RTTN: variants seen among roughly 807,000 people sequenced by gnomAD.
The protein encoded by RTTN is rotatin.
RTTN carries 182 observed loss-of-function variants against 269.2 expected under a neutral mutation model. The observed-to-expected ratio is 0.68, with a 90% CI of 0.60 to 0.76. The LOEUF is 0.76. Among genes scored for constraint, RTTN ranks in the 30% least tolerant of loss-of-function variants. RTTN has a pLI of 0.00. For synonymous variants in RTTN, 1,006 were observed against 963.5 expected (o/e 1.04, Z -0.82); for missense variants, 2,545 against 2,608.6 (o/e 0.98, Z 0.53).
At chr18:70,107,802 A>G (rs1367844266) in intron 28 of RTTN, among the ~76,000 whole-genome samples, 5 of 152,248 alleles carry the variant, frequency 3.3e-5, no homozygotes, top group African/African-American at 1.2e-4. Flanking sequence ...AATGTCTGCA[A>G]TGAAAGGGGA....
At chr18:70,036,637 C>A (rs1599208356) in intron 40 of RTTN, among the ~76,000 whole-genome samples, 1 of 152,070 alleles carries the variant, frequency 6.6e-6, no homozygotes. Context: ...ATACACCAAA[C>A]CCCCATGATA....
At chr18:70,118,124 A>T (rs2059644799) in intron 26 of RTTN, among the ~76,000 whole-genome samples, 1 of 152,066 alleles carries the variant, frequency 6.6e-6, no homozygotes, top group Non-Finnish European at 1.5e-5. Context: ...ATAAGGGCAG[A>T]TACAAATGAA....
chr18:70,081,667 A>G (rs1364352610), intron 32 of RTTN, among the ~76,000 whole-genome samples: 1 of 152,226 alleles, frequency 6.6e-6, no homozygotes, highest in African/African-American at 2.4e-5. Flanking sequence ...TGTTAAGATC[A>G]TAAATATTTA....
rs77760128 is a variant in RTTN at position 70,196,509 on chromosome 18, T to C, written c.833A>G (p.Asn278Ser). ...NFHRDPGFFSNKHDTVSQNSS... is the reference protein window; with the variant it reads ...NFHRDPGFFSSKHDTVSQNSS... ...CAGATAAAAATAAATACCGTGTTTATTGGAGAAAAAACCTGGATCTCGGTG... is the reference window on the plus strand; with the variant it reads ...CAGATAAAAATAAATACCGTGTTTACTGGAGAAAAAACCTGGATCTCGGTG... The change falls in exon 7 of 49, where the codon AAT becomes AGT. Residue 278 changes from asparagine (N) to serine (S), a missense_variant. Transcript: ENST00000640769. 550 of 1,609,652 alleles carry C rather than the reference T, an allele frequency of 3.4e-4. 6 individuals are homozygous for C. The East Asian group carries it at 0.011, about 32-fold the overall frequency.
chr18:70,010,412 T>G (rs2056335155), intron 46 of RTTN, among the ~76,000 whole-genome samples: 1 of 152,170 alleles, frequency 6.6e-6, no homozygotes, highest in Admixed American at 6.5e-5. Flanking sequence ...GCAATCAAAT[T>G]AGAACTCAGG....
chr18:70,102,799 G>C (rs992566636), intron 28 of RTTN, among the ~76,000 whole-genome samples: 1 of 152,202 alleles, frequency 6.6e-6, no homozygotes, highest in African/African-American at 2.4e-5. Context: ...TTGCTTGTCT[G>C]TAAAAGATTT....
chr18:70,170,220 T>C (rs1028470327), intron 11 of RTTN, among the ~76,000 whole-genome samples: 2 of 152,208 alleles, frequency 1.3e-5, no homozygotes, highest in Non-Finnish European at 2.9e-5. Flanking sequence ...GGCCTTACTA[T>C]GTTCCTCCAC....
At chr18:70,165,275 T>C (rs541137673) in intron 14 of RTTN, among the ~76,000 whole-genome samples, 1 of 151,618 alleles carries the variant, frequency 6.6e-6, no homozygotes, top group East Asian at 1.9e-4. Flanking sequence ...ATGCTATATA[T>C]AAAATTCTTT....
intron 32 of RTTN, among the ~76,000 whole-genome samples, chr18:70,077,310 A>ATC (rs2058453085): frequency 6.6e-6 from 1 of 151,946 alleles, no homozygotes; most frequent in African/African-American, 2.4e-5. Flanking sequence ...CACAACCCAA[A>ATC]ATTCACAAAC....
chr18:70,045,256 G>A (rs2057461001), intron 40 of RTTN, among the ~76,000 whole-genome samples: 1 of 152,180 alleles, frequency 6.6e-6, no homozygotes, highest in South Asian at 2.1e-4. Flanking sequence ...TTAGGAGGAT[G>A]GAGATTTTAG....
At chr18:70,184,211 T>C in intron 10 of RTTN, among the ~76,000 whole-genome samples, 1 of 152,134 alleles carries the variant, frequency 6.6e-6, no homozygotes, top group Non-Finnish European at 1.5e-5. Context: ...TACTCAAATG[T>C]ATAAGACCTA....
At chr18:70,035,118 T>C (rs1568274229) in intron 40 of RTTN, among the ~76,000 whole-genome samples, 2 of 152,310 alleles carry the variant, frequency 1.3e-5, no homozygotes, top group South Asian at 4.1e-4. Context: ...AGAATCAACA[T>C]TGCTAAAATG....
chr18:70,043,200 A>G (rs538058694), intron 40 of RTTN, among the ~76,000 whole-genome samples: 145 of 152,340 alleles, frequency 9.5e-4, no homozygotes, highest in African/African-American at 3.2e-3. Context: ...GGCAAAGAGC[A>G]TGGAGCTTGT....
At chr18:70,061,181 C>G (rs2144909345) in intron 35 of RTTN, 1 of 332,114 alleles carries the variant, frequency 3.0e-6, no homozygotes. Flanking sequence ...TACTGTTCTC[C>G]ACAGTGGTTC....
At chr18:70,199,076 A>C (rs1369246038) in intron 5 of RTTN, among the ~76,000 whole-genome samples, 2 of 152,108 alleles carry the variant, frequency 1.3e-5, no homozygotes, top group African/African-American at 4.8e-5. Flanking sequence ...AATTCCAGCT[A>C]CTCAGGAGGC....
intron 7 of RTTN, among the ~76,000 whole-genome samples, chr18:70,195,515 A>G (rs2061783983): frequency 6.6e-6 from 1 of 152,114 alleles, no homozygotes; most frequent in African/African-American, 2.4e-5. Context: ...ATTCTGTCAC[A>G]TCACCCTTTT....
chr18:70,113,283 C>T (rs1461517683), intron 27 of RTTN, among the ~76,000 whole-genome samples: 2 of 152,056 alleles, frequency 1.3e-5, no homozygotes, highest in African/African-American at 4.8e-5. Flanking sequence ...CACAAATAGC[C>T]ATAAGAACAT....
chr18:70,097,928 C>T (rs901610026), intron 28 of RTTN, among the ~76,000 whole-genome samples: 1 of 152,170 alleles, frequency 6.6e-6, no homozygotes, highest in African/African-American at 2.4e-5. Context: ...CACTTCACTT[C>T]TTCTTTAGTT....
At chr18:70,031,689 C>A (rs1325084045) in intron 40 of RTTN, among the ~76,000 whole-genome samples, 2 of 151,042 alleles carry the variant, frequency 1.3e-5, no homozygotes, top group Non-Finnish European at 2.9e-5. Context: ...CTAGAAATTT[C>A]TGCTCCAAGA....
Sources: allele counts gnomAD v4.1 joint callset (sites outside exome capture counted in the v4.1 genomes callset), GRCh38; gene constraint gnomAD v4.1.1; transcripts MANE v1.5; gene names NCBI Gene and HGNC (gene_info 2026-07-23, HGNC 2026-07-21).